BICDL1: variants seen among roughly 807,000 people sequenced by gnomAD.
BICDL1 encodes the protein BICD family like cargo adaptor 1.
In BICDL1, 20 loss-of-function variants were observed where a neutral mutation model predicts 76.8. The ratio of observed to expected loss-of-function variants is 0.26; its 90% CI spans 0.18 to 0.38. The LOEUF is 0.38. BICDL1 is among the 10% of genes least tolerant of loss of function. The pLI is 1.00. For missense variants in BICDL1, 700 were observed against 798.6 expected (o/e 0.88, Z 1.49); for synonymous variants, 383 against 337.1 (o/e 1.14, Z -1.49).
intron 1 of BICDL1, 71 bp from the exon 2 acceptor site, chr12:119,998,450 C>T: frequency 7.3e-7 from 1 of 1,363,894 alleles, no homozygotes; most frequent in South Asian, 1.5e-5. Context: ...AAAGTTGGGA[C>T]AGCGCGGAGA....
chr12:120,051,963 CAG>C (rs1275590182), intron 2 of BICDL1, among the ~76,000 whole-genome samples: 5 of 151,846 alleles, frequency 3.3e-5, no homozygotes, highest in African/African-American at 1.2e-4. Flanking sequence ...TGTTTTGAGA[CAG>C]AGTCTCGCTG....
At chr12:120,072,161 T>C (rs1873157181) in intron 5 of BICDL1, among the ~76,000 whole-genome samples, 1 of 152,250 alleles carries the variant, frequency 6.6e-6, no homozygotes, top group African/African-American at 2.4e-5. Context: ...ATCTTCTCCA[T>C]CTAACTGGTT....
chr12:120,094,341 T>G lies in BICDL1; in HGVS notation c.*1180T>G, dbSNP rs536109274. ...ACCTGTAGATGTGTACATACCACAGTGCTGTAATTTTGTATGTAGCAATCA... is the reference window on the plus strand; with the variant it reads ...ACCTGTAGATGTGTACATACCACAGGGCTGTAATTTTGTATGTAGCAATCA... On this transcript the variant is annotated 3_prime_UTR_variant, in exon 10 of 10. Coordinates refer to ENST00000548673, the MANE Select transcript of BICDL1 (RefSeq NM_001367886.1). 2.2e-6 allele frequency: 1 copy of G among 454,666 alleles called. No individual in the cohort carries two copies. The highest frequency in any genetic ancestry group is 2.4e-5 in the Admixed American group (1 of 42,152). The allele number at this position is 454,666 out of a possible 1,614,324, so 28.2% of individuals were successfully genotyped here. A position where few individuals can be genotyped will look rare whatever the true frequency, so the allele number is the denominator to read the frequency against.
rs1296349457 is a variant in BICDL1 at position 120,094,064 on chromosome 12, C to T, written c.*903C>T. The T allele has an allele frequency of 5.1e-6, 2 of 391,872 alleles. No homozygotes were observed. The highest frequency in any genetic ancestry group is 3.4e-5 in the Admixed American group (1 of 29,266). 24.3% of individuals were successfully genotyped at this position (391,872 alleles called of 1,614,324 possible). On this transcript the variant is annotated 3_prime_UTR_variant, in exon 10 of 10. Transcript: ENST00000548673. ...GAGGGGTCTGTGGTCAGCCACCCCA[C>T]CTTGAGGGCAGCACAGGCACCACGG... is the stretch of plus-strand genomic sequence containing the variant.
At chr12:120,043,497 C>T (rs1952684548) in intron 2 of BICDL1, among the ~76,000 whole-genome samples, 1 of 152,158 alleles carries the variant, frequency 6.6e-6, no homozygotes, top group Non-Finnish European at 1.5e-5. Context: ...CATGCAAAAG[C>T]AGGGTGAGGG....
intron 8 of BICDL1, among the ~76,000 whole-genome samples, chr12:120,088,484 G>A (rs1053102500): frequency 6.6e-6 from 1 of 151,794 alleles, no homozygotes; most frequent in African/African-American, 2.4e-5. Flanking sequence ...AGCCTCCCGA[G>A]TAGCTGGGAT....
At chr12:120,086,415 G>A (rs1422722456) in intron 8 of BICDL1, among the ~76,000 whole-genome samples, 1 of 152,140 alleles carries the variant, frequency 6.6e-6, no homozygotes, top group East Asian at 1.9e-4. Context: ...CATCCTGGCC[G>A]CACATTACAA....
intron 9 of BICDL1, chr12:120,091,928 G>A: frequency 1.0e-6 from 1 of 985,266 alleles, no homozygotes; most frequent in African/African-American, 1.7e-5. Context: ...CTGAACACAG[G>A]CCTCACCTGT....
At chr12:120,023,898 G>A (rs964903050) in intron 2 of BICDL1, among the ~76,000 whole-genome samples, 5 of 152,120 alleles carry the variant, frequency 3.3e-5, no homozygotes, top group African/African-American at 9.7e-5. Flanking sequence ...GCTGACACAC[G>A]TGTTAGACTT....
chr12:120,014,498 C>T (rs1243458433), intron 2 of BICDL1, among the ~76,000 whole-genome samples: 1 of 152,058 alleles, frequency 6.6e-6, no homozygotes, highest in Non-Finnish European at 1.5e-5. Context: ...TCGAGACCAT[C>T]CTGGCCAACA....
intron 8 of BICDL1, among the ~76,000 whole-genome samples, chr12:120,082,868 C>T (rs569481282): frequency 3.9e-5 from 6 of 152,086 alleles, no homozygotes; most frequent in African/African-American, 1.2e-4. Flanking sequence ...TGCGCCCAGC[C>T]GTGTTTATTT....
Position 120,059,255 on chromosome 12 carries a change from C to A in BICDL1, c.646-2455C>A, listed in dbSNP as rs147365760. On this transcript the variant is annotated intron_variant, in intron 2 of 9. Transcript: ENST00000548673. ...TACTATAGGCACGCACCACCATGCC[C>A]GGTTAATTTGTTTGTTTGTTTGTTT... Among the ~76,000 whole-genome samples the A allele has an allele frequency of 3.7e-3, 560 of 151,844 alleles. 11 individuals are homozygous for A. The South Asian group carries it at 0.054, about 15-fold the overall frequency.
rs1197553952 is a variant in BICDL1, at chr12:120,079,985, A to G, written c.1453-902A>G. Among the ~76,000 whole-genome samples, 1 of 152,238 alleles carries G rather than the reference A, an allele frequency of 6.6e-6. No homozygotes were observed. The highest frequency in any genetic ancestry group is 1.5e-5 in the Non-Finnish European group (1 of 68,052). ...GGAGGTCAAGCCTTGTGTCACACCA[A>G]GTCTCACACAACCAGGAGTGCCCCC... On this transcript the variant is annotated intron_variant, in intron 7 of 9. Coordinates refer to ENST00000548673, the MANE Select transcript of BICDL1 (RefSeq NM_001367886.1). The surrounding 1 kb of genome is among the most constrained non-coding windows in gnomAD (Gnocchi z 4.3).
intron 7 of BICDL1, among the ~76,000 whole-genome samples, chr12:120,078,171 T>C (rs963545624): frequency 1.3e-5 from 2 of 152,176 alleles, no homozygotes; most frequent in Non-Finnish European, 2.9e-5. Context: ...ACCCTCTTGA[T>C]TCCTTTCCTC....
chr12:120,053,685 A>T (rs1295908554), intron 2 of BICDL1, among the ~76,000 whole-genome samples: 1 of 152,142 alleles, frequency 6.6e-6, no homozygotes. Context: ...CAACCCTGAA[A>T]CTAGCCTTTT....
At chr12:120,022,473 A>G (rs1566223218) in intron 2 of BICDL1, among the ~76,000 whole-genome samples, 1 of 146,892 alleles carries the variant, frequency 6.8e-6, no homozygotes, top group Non-Finnish European at 1.5e-5. Flanking sequence ...ATATTTATAT[A>G]TATTTTATAT....
At chr12:120,083,003 C>T (rs1017498737) in intron 8 of BICDL1, among the ~76,000 whole-genome samples, 1 of 152,126 alleles carries the variant, frequency 6.6e-6, no homozygotes, top group Non-Finnish European at 1.5e-5. Context: ...GCTGGGATTA[C>T]AGGCACACAC....
At chr12:120,014,601 A>G (rs1260242991) in intron 2 of BICDL1, among the ~76,000 whole-genome samples, 1 of 152,042 alleles carries the variant, frequency 6.6e-6, no homozygotes, top group East Asian at 1.9e-4. Flanking sequence ...CTGAGGCAAG[A>G]GAATCGCTTG....
chr12:120,004,439 T>C (rs1002604049), intron 2 of BICDL1, among the ~76,000 whole-genome samples: 10 of 152,142 alleles, frequency 6.6e-5, no homozygotes, highest in Non-Finnish European at 1.3e-4. Flanking sequence ...GTTTCTACTA[T>C]AGAATCACTG....
Sources: allele counts gnomAD v4.1 joint callset (sites outside exome capture counted in the v4.1 genomes callset), GRCh38; gene constraint gnomAD v4.1.1; non-coding constraint Gnocchi (gnomAD v3.1); transcripts MANE v1.5; gene names NCBI Gene and HGNC (gene_info 2026-07-23, HGNC 2026-07-21).